GULP1: variants seen among roughly 807,000 people sequenced by gnomAD.
GULP1 encodes PTB domain-containing engulfment adapter protein 1.
In GULP1, 19 loss-of-function variants were observed where a neutral mutation model predicts 40.9. The ratio of observed to expected loss-of-function variants is 0.46; its 90% CI spans 0.32 to 0.68. The LOEUF (loss-of-function observed/expected upper bound fraction) is 0.68, where lower values mean the gene tolerates loss of function less well. GULP1 is among the 30% of genes least tolerant of loss of function. The pLI is 0.03. For missense variants in GULP1, 312 were observed against 362.2 expected, an observed-to-expected ratio of 0.86 and a Z score of 1.12; for synonymous variants, 119 against 117.6, an observed-to-expected ratio of 1.01 and a Z score of -0.08.
rs752574797 is a variant in GULP1, at chr2:188,584,348, G to A, written c.693G>A (p.Met231Ile). 2 of 1,605,866 alleles carry A rather than the reference G, an allele frequency of 1.2e-6. No homozygotes were observed. Among genetic ancestry groups the A allele is most frequent in the South Asian group, 2.2e-5 (2 of 90,842 alleles). The change falls in exon 10 of 12, where the codon ATG becomes ATA. Residue 231 changes from methionine (M) to isoleucine (I), a missense_variant. Coordinates refer to ENST00000409830, the MANE Select transcript of GULP1 (RefSeq NM_016315.4). ...PFSPISHQSS[M>I]PTRNGTQPPP... is the part of the protein sequence containing the mutation. ...CTCCAATATCACACCAGTCTTCGAT[G>A]CCTACTCGCAATGGCACACAGCCAC...
At chr2:188,368,939 G>GTATATATATATATATATATATATATA (rs56274020) in intron 1 of GULP1, among the ~76,000 whole-genome samples, 2 of 86,082 alleles carry the variant, frequency 2.3e-5, no homozygotes, top group African/African-American at 4.1e-5. Flanking sequence ...ATATATGTGT[G>GTATATATATATATATATATATATATA]TATATATATA....
At chr2:188,480,760 A>C (rs1157400129) in intron 3 of GULP1, among the ~76,000 whole-genome samples, 1 of 151,848 alleles carries the variant, frequency 6.6e-6, no homozygotes, top group Non-Finnish European at 1.5e-5. Context: ...TTAAGTAAAA[A>C]AGTATAAAAA....
At chr2:188,315,129 G>A (rs947972949) in intron 1 of GULP1, among the ~76,000 whole-genome samples, 30 of 152,224 alleles carry the variant, frequency 2.0e-4, no homozygotes, top group South Asian at 4.1e-4. Flanking sequence ...AGATTGCTGA[G>A]ATCCATGGTG....
At chr2:188,504,559 A>G (rs987797841) in intron 4 of GULP1, among the ~76,000 whole-genome samples, 1 of 151,942 alleles carries the variant, frequency 6.6e-6, no homozygotes, top group African/African-American at 2.4e-5. Context: ...AGTAATAGGT[A>G]TTTCTCCAAA....
chr2:188,459,757 A>T (rs2152956266), intron 2 of GULP1, among the ~76,000 whole-genome samples: 1 of 152,198 alleles, frequency 6.6e-6, no homozygotes, highest in East Asian at 1.9e-4. Flanking sequence ...ATGTTTTCTT[A>T]TAGTAGTTTC....
At chr2:188,435,739 T>C (rs997715707) in intron 2 of GULP1, among the ~76,000 whole-genome samples, 1 of 152,076 alleles carries the variant, frequency 6.6e-6, no homozygotes, top group African/African-American at 2.4e-5. Flanking sequence ...ATTCATTTCC[T>C]TGCATGCAGC....
intron 1 of GULP1, among the ~76,000 whole-genome samples, chr2:188,311,731 T>G (rs2038152577): frequency 6.8e-6 from 1 of 148,000 alleles, no homozygotes; most frequent in African/African-American, 2.4e-5. Flanking sequence ...ATTTATATAT[T>G]TATAAATCTA....
chr2:188,487,438 G>T (rs1476877178), intron 4 of GULP1, among the ~76,000 whole-genome samples: 1 of 151,952 alleles, frequency 6.6e-6, no homozygotes, highest in African/African-American at 2.4e-5. Flanking sequence ...TGTCTACTGT[G>T]TTCCAAGCTC....
intron 2 of GULP1, among the ~76,000 whole-genome samples, chr2:188,415,216 T>C (rs2054423495): frequency 6.6e-6 from 1 of 152,132 alleles, no homozygotes; most frequent in African/African-American, 2.4e-5. Context: ...TTAAGGAAAC[T>C]ACACATTTCA....
chr2:188,423,090 A>T (rs2055679259), intron 2 of GULP1, among the ~76,000 whole-genome samples: 1 of 152,082 alleles, frequency 6.6e-6, no homozygotes, highest in Non-Finnish European at 1.5e-5. Context: ...CAGTTTATTC[A>T]CTATTCTACA....
intron 2 of GULP1, among the ~76,000 whole-genome samples, chr2:188,402,273 C>T (rs923629557): frequency 6.6e-6 from 1 of 152,056 alleles, no homozygotes; most frequent in Admixed American, 6.5e-5. Flanking sequence ...TTGTTCTTCA[C>T]GTTTTTGATC....
At chr2:188,310,374 G>A (rs1200705632) in intron 1 of GULP1, among the ~76,000 whole-genome samples, 2 of 152,176 alleles carry the variant, frequency 1.3e-5, no homozygotes, top group African/African-American at 4.8e-5. Flanking sequence ...ATATCAAGGA[G>A]ATTGAAGAAG....
At chr2:188,363,920 C>T (rs1044573793) in intron 1 of GULP1, among the ~76,000 whole-genome samples, 4 of 152,098 alleles carry the variant, frequency 2.6e-5, no homozygotes, top group Non-Finnish European at 5.9e-5. Context: ...ACTTTATGCG[C>T]TTGTGTTACA....
At chr2:188,458,384 CTTAT>C (rs1002013760) in intron 2 of GULP1, among the ~76,000 whole-genome samples, 16 of 152,246 alleles carry the variant, frequency 1.1e-4, no homozygotes, top group Admixed American at 9.8e-4. Flanking sequence ...CATTTCCTAC[CTTAT>C]TTCTCTGTTT....
chr2:188,352,355 C>T (rs10199264), intron 1 of GULP1, among the ~76,000 whole-genome samples: 26,517 of 151,928 alleles, frequency 0.17, 2,383 homozygotes, highest in South Asian at 0.23. Flanking sequence ...TTCTGGCCTT[C>T]AGACTTGGAC....
At chr2:188,421,302 T>C (rs535445409) in intron 2 of GULP1, among the ~76,000 whole-genome samples, 1 of 152,282 alleles carries the variant, frequency 6.6e-6, no homozygotes, top group East Asian at 1.9e-4. Flanking sequence ...ATTAGACCTA[T>C]GCCTGTATAA....
chr2:188,322,035 T>C (rs2040065131), intron 1 of GULP1, among the ~76,000 whole-genome samples: 1 of 151,920 alleles, frequency 6.6e-6, no homozygotes, highest in African/African-American at 2.4e-5. Flanking sequence ...CAAAAATAAA[T>C]AAATAAATAA....
At chr2:188,350,978 T>A (rs566308106) in intron 1 of GULP1, among the ~76,000 whole-genome samples, 1 of 152,220 alleles carries the variant, frequency 6.6e-6, no homozygotes, top group South Asian at 2.1e-4. Flanking sequence ...AAGGAAAATA[T>A]AGTACTGAAT....
chr2:188,449,038 C>T (rs2058627133), intron 2 of GULP1, among the ~76,000 whole-genome samples: 1 of 152,134 alleles, frequency 6.6e-6, no homozygotes, highest in South Asian at 2.1e-4. Flanking sequence ...TACCCAGTTT[C>T]AGATGTTCCT....
Sources: gnomAD v4.1 joint callset for allele counts (sites outside exome capture counted in the v4.1 genomes callset) on GRCh38, gnomAD v4.1.1 for gene constraint, MANE v1.5 for transcripts, NCBI Gene and HGNC (gene_info 2026-07-23, HGNC 2026-07-21) for gene names.